MALRD1: variants seen among roughly 807,000 people sequenced by gnomAD.
The protein encoded by MALRD1 is MAM and LDL receptor class A domain containing 1.
A neutral mutation model predicts 242.1 loss-of-function variants in MALRD1; 247 were observed. The ratio of observed to expected loss-of-function variants is 1.02; its 90% confidence interval spans 0.92 to 1.13. MALRD1 has a LOEUF of 1.13. Ranked by LOEUF, MALRD1 falls within the 50% of genes most tolerant of loss-of-function variation. MALRD1 has a pLI of 0.00. For missense variants in MALRD1, 2,989 were observed against 2,533.1 expected (o/e 1.18, Z -3.86); for synonymous variants, 995 against 866.6 (o/e 1.15, Z -2.60).
chr10:19,548,076 C>G (rs1451250095), intron 32 of MALRD1, among the ~76,000 whole-genome samples: 1 of 141,190 alleles, frequency 7.1e-6, no homozygotes, highest in Non-Finnish European at 1.5e-5. Flanking sequence ...TCTCAGATCA[C>G]TGCAACCTCC....
chr10:19,688,645 G>C (rs1842697928), intron 36 of MALRD1, among the ~76,000 whole-genome samples: 1 of 152,158 alleles, frequency 6.6e-6, no homozygotes, highest in African/African-American at 2.4e-5. Flanking sequence ...AGGATTTTCT[G>C]TTTTCGCTTC....
At chr10:19,439,777 TTGTG>T (rs1224575578) in intron 28 of MALRD1, among the ~76,000 whole-genome samples, 1 of 152,180 alleles carries the variant, frequency 6.6e-6, no homozygotes, top group Non-Finnish European at 1.5e-5. Flanking sequence ...TCACTTTGTA[TTGTG>T]TGTATTTTAT....
At chr10:19,568,158 A>G (rs543244565) in intron 33 of MALRD1, among the ~76,000 whole-genome samples, 1 of 152,294 alleles carries the variant, frequency 6.6e-6, no homozygotes, top group South Asian at 2.1e-4. Flanking sequence ...AAAAGAAAAA[A>G]AAAGTTCTAT....
Position 19,387,743 on chromosome 10 carries a change from C to T in MALRD1, c.4657C>T (p.Pro1553Ser). The change falls in exon 27 of 40, where the codon CCC becomes TCC. Residue 1553 changes from proline to serine, a missense_variant. Transcript: ENST00000454679. ...TGGCTCTCATCAAAGCTTAAGACCT[C>T]CCAAAGACCACACACTTGGAAATGA... The part of the protein sequence containing the change: ...GVGSHQSLRP[P>S]KDHTLGNENG... 2 of 1,549,878 alleles carry T rather than the reference C, an allele frequency of 1.3e-6. No homozygotes were observed. The highest frequency in any genetic ancestry group is 1.4e-5 in the African/African-American group (1 of 73,050).
intron 36 of MALRD1, among the ~76,000 whole-genome samples, chr10:19,677,024 C>T (rs953934246): frequency 6.6e-6 from 1 of 152,130 alleles, no homozygotes; most frequent in Non-Finnish European, 1.5e-5. Context: ...GCATAGTATC[C>T]CATGGTGTAT....
At chr10:19,257,817 C>T (rs1839585145) in intron 19 of MALRD1, 46 bp downstream of exon 19, 3 of 1,234,342 alleles carry the variant, frequency 2.4e-6, no homozygotes, top group South Asian at 1.7e-5. Flanking sequence ...AATCTGTTTA[C>T]TTGGAAAACT....
intron 26 of MALRD1, among the ~76,000 whole-genome samples, chr10:19,374,763 C>T (rs949638312): frequency 2.0e-5 from 3 of 152,028 alleles, no homozygotes; most frequent in Non-Finnish European, 4.4e-5. Flanking sequence ...AAGAAACTGG[C>T]CAACAGGTGC....
At chr10:19,104,892 T>G (rs1015754589) in intron 5 of MALRD1, among the ~76,000 whole-genome samples, 2 of 152,094 alleles carry the variant, frequency 1.3e-5, no homozygotes, top group Non-Finnish European at 2.9e-5. Context: ...TTTTATTTTA[T>G]TTTTAATTGA....
At chr10:19,527,074 A>C (rs72788570) in intron 31 of MALRD1, among the ~76,000 whole-genome samples, 11 of 152,196 alleles carry the variant, frequency 7.2e-5, no homozygotes, top group Non-Finnish European at 1.6e-4. Context: ...ATCTGTGTGC[A>C]GTAATTTTCC....
rs562498918 is a variant in MALRD1, at chr10:19,544,774, T to C, written c.5478+13423T>C. Reference sequence around the variant, plus strand: ...CATTTCTCTACCTTCTTGGCAATCATATTCATAAAAATGACCATGACCTCT... The same window carrying C: ...CATTTCTCTACCTTCTTGGCAATCACATTCATAAAAATGACCATGACCTCT... On this transcript the variant is annotated intron_variant, in intron 32 of 39. Transcript: ENST00000454679. 1.1e-4 allele frequency among the ~76,000 whole-genome samples: 17 copies of C among 152,292 alleles called. No individual in the cohort carries two copies. The East Asian group carries it at 2.5e-3, about 23-fold the overall frequency.
At position 19,257,722 on chromosome 10, in the gene MALRD1, A is replaced by G; in HGVS notation, c.3030A>G (p.Gly1010=). Residue 1010 remains glycine (G), a synonymous_variant, in exon 19 of 40, where the codon GGA becomes GGG. Transcript: ENST00000454679. ...CTTCAGTGGGAGATGGCTTCACTGG[A>G]GATATTGCGATTGATGATCTGTCAT... ...VEASVGDGFT[G]DIAIDDLSFM... is the part of the protein sequence containing the mutation. 1.3e-6 allele frequency: 2 copies of G among 1,542,086 alleles called. No individual in the cohort carries two copies. Among genetic ancestry groups the G allele is most frequent in the Middle Eastern group, 1.7e-4 (1 of 5,956 alleles).
chr10:19,403,436 G>A (rs903709039), intron 28 of MALRD1, among the ~76,000 whole-genome samples: 41 of 152,168 alleles, frequency 2.7e-4, no homozygotes, highest in African/African-American at 9.4e-4. Flanking sequence ...TCACAATGTG[G>A]CATTTAATAT....
intron 12 of MALRD1, among the ~76,000 whole-genome samples, chr10:19,156,987 G>GT (rs1564428693): frequency 6.6e-6 from 1 of 152,132 alleles, no homozygotes; most frequent in Non-Finnish European, 1.5e-5. Flanking sequence ...GTTTGCCTTG[G>GT]TTTTTGAAAA....
At chr10:19,519,831 ATACTT>A (rs1213157199) in intron 31 of MALRD1, among the ~76,000 whole-genome samples, 8 of 152,216 alleles carry the variant, frequency 5.3e-5, no homozygotes, top group East Asian at 1.9e-4. Context: ...GATTAAGTAA[ATACTT>A]TAGTTTGGAA....
In MALRD1 at chr10:19,477,717, A is replaced by G. The variant is rs181453044; in HGVS notation, c.5030-13800A>G. On this transcript the variant is annotated intron_variant, in intron 29 of 39. Coordinates refer to ENST00000454679, the MANE Select transcript of MALRD1 (RefSeq NM_001142308.3). ...CTAGTTTTGTGATGAAATGCACCAG[A>G]TTTCATAGATAAGCTTGAGGAGGCA... Among the ~76,000 whole-genome samples the G allele has an allele frequency of 1.7e-3, 252 of 152,262 alleles. 2 individuals are homozygous for G. The highest frequency in any genetic ancestry group is 6.0e-3 in the African/African-American group (249 of 41,556).
chr10:19,054,225 A>G (rs1322221070), intron 1 of MALRD1, among the ~76,000 whole-genome samples: 5 of 151,944 alleles, frequency 3.3e-5, no homozygotes, highest in Non-Finnish European at 7.4e-5. Context: ...CTCTTTTATT[A>G]TTTTTATTTT....
At chr10:19,331,298 G>C in intron 23 of MALRD1, 71 bp from the exon 24 acceptor site, 4 of 1,208,870 alleles carry the variant, frequency 3.3e-6, no homozygotes, top group Non-Finnish European at 4.8e-6. Context: ...TGATGTGCTT[G>C]ATACTTAGTG....
Position 19,070,585 on chromosome 10 carries a change from T to C in MALRD1, c.340+3726T>C, listed in dbSNP as rs370053497. Among the ~76,000 whole-genome samples, 8 of 152,212 alleles carry C rather than the reference T, an allele frequency of 5.3e-5. No homozygotes were observed. In the East Asian group the frequency reaches 9.7e-4, roughly 18 times the overall value. ...TACCTTTTCATCCATTTTAAGAATA[T>C]TTTCCCTTACTTCATTGTGCATAAT... On this transcript the variant is annotated intron_variant, in intron 2 of 39. Coordinates refer to ENST00000454679, the MANE Select transcript of MALRD1 (RefSeq NM_001142308.3).
chr10:19,316,217 A>C (rs1257848721), intron 21 of MALRD1, among the ~76,000 whole-genome samples: 2 of 151,824 alleles, frequency 1.3e-5, no homozygotes, highest in African/African-American at 4.8e-5. Context: ...ATTTACTTCC[A>C]GAGCAATGCC....
Sources: gnomAD v4.1 joint callset for allele counts (sites outside exome capture counted in the v4.1 genomes callset) on GRCh38, gnomAD v4.1.1 for gene constraint, MANE v1.5 for transcripts, NCBI Gene and HGNC (gene_info 2026-07-23, HGNC 2026-07-21) for gene names.